Variants in MAP3K1 observed in about 807,000 individuals in gnomAD.
MAP3K1 encodes mitogen-activated protein kinase kinase kinase 1.
A neutral mutation model predicts 144.2 loss-of-function variants in MAP3K1; 36 were observed. That is an observed-to-expected ratio of 0.25 (90% confidence interval 0.19 to 0.33). The LOEUF (loss-of-function observed/expected upper bound fraction) is 0.33, where lower values mean the gene tolerates loss of function less well. Ranked by LOEUF, MAP3K1 falls within the 10% of genes least tolerant of loss-of-function variation. The pLI is 1.00. For missense variants in MAP3K1, 1,650 were observed against 1,881.9 expected (o/e 0.88, Z 2.28); for synonymous variants, 718 against 688.7 (o/e 1.04, Z -0.67).
At position 56,882,844 on chromosome 5, in the gene MAP3K1, A is replaced by G. The variant is rs1459352664; in HGVS notation, c.3644A>G (p.Asp1215Gly). ...VPQLQVENGEDIIIIQQDTPE... is the reference protein window; with the variant it reads ...VPQLQVENGEGIIIIQQDTPE... ...CAGCTGCAGGTTGAAAATGGAGAAG[A>G]TATCATCATTATTCAACAGGATGTA... Residue 1215 changes from aspartate (D) to glycine (G), a missense_variant, in exon 14 of 20, where the codon GAT becomes GGT. This residue lies in a region of MAP3K1 where 841 missense variants were observed against 886.5 expected (regional missense o/e 0.95). Coordinates refer to ENST00000399503, the MANE Select transcript of MAP3K1 (RefSeq NM_005921.2). 6.2e-7 allele frequency: 1 copy of G among 1,610,996 alleles called. No homozygotes were observed. The highest frequency in any genetic ancestry group is 1.7e-5 in the Admixed American group (1 of 59,976).
rs1579785971 is a variant in MAP3K1 at position 56,888,018 on chromosome 5, C to G, written c.4258-208C>G. On this transcript the variant is annotated intron_variant, in intron 18 of 19. Transcript: ENST00000399503. ...AGCAAAATTCTGTGATGGGACTCTG[C>G]TTCAGAATCTCACAATTCTCCAAAA... is the stretch of plus-strand genomic sequence containing the variant. 6.7e-6 allele frequency: 4 copies of G among 593,142 alleles called. No individual in the cohort carries two copies. In the East Asian group the frequency reaches 1.2e-4, roughly 17 times the overall value. The allele number at this position is 593,142 out of a possible 1,614,324, so 36.7% of individuals were successfully genotyped here. A position where few individuals can be genotyped will look rare whatever the true frequency, so the allele number is the denominator to read the frequency against.
chr5:56,824,933 T>A (rs34485804), intron 1 of MAP3K1, among the ~76,000 whole-genome samples: 78 of 151,488 alleles, frequency 5.1e-4, no homozygotes, highest in African/African-American at 1.1e-3. Context: ...TCCGGTTTTT[T>A]AAAAAAAATT....
At chr5:56,839,004 C>T (rs1746733984) in intron 1 of MAP3K1, among the ~76,000 whole-genome samples, 1 of 152,166 alleles carries the variant, frequency 6.6e-6, no homozygotes, top group Non-Finnish European at 1.5e-5. Flanking sequence ...TCGAGATCTT[C>T]TGGGGAGACT....
At chr5:56,862,576 C>A (rs1561186874) in intron 3 of MAP3K1, among the ~76,000 whole-genome samples, 1 of 152,148 alleles carries the variant, frequency 6.6e-6, no homozygotes, top group Non-Finnish European at 1.5e-5. Context: ...CTGGATAAAT[C>A]ATGGTTTATT....
rs1233689838 is a variant in MAP3K1 at position 56,829,681 on chromosome 5, C to T, written c.482+13626C>T. Among the ~76,000 whole-genome samples, 4 of 152,218 alleles carry T rather than the reference C, an allele frequency of 2.6e-5. No individual in the cohort carries two copies. In the East Asian group the frequency reaches 7.7e-4, roughly 29 times the overall value. On this transcript the variant is annotated intron_variant, in intron 1 of 19. Transcript: ENST00000399503. The stretch of plus-strand genomic sequence containing the variant: ...ATTAGATATTTATTTGGGGCACTTA[C>T]TCTGTGCTGCTAGCACGTGATTTCC...
chr5:56,816,208 C>T (rs987267199), intron 1 of MAP3K1, among the ~76,000 whole-genome samples, 153 bp downstream of exon 1: 2 of 152,156 alleles, frequency 1.3e-5, no homozygotes, highest in African/African-American at 4.8e-5. Flanking sequence ...CCCCCCGACC[C>T]CTTCGGAGTC....
chr5:56,862,124 T>C (rs2113079), intron 3 of MAP3K1: 117,644 of 152,010 alleles, frequency 0.77, 45,879 homozygotes, highest in Non-Finnish European at 0.82. Flanking sequence ...CTCTGTTCCT[T>C]GTGACATTCT....
chr5:56,864,625 G>T, intron 3 of MAP3K1, 109 bp from the exon 4 acceptor site: 1 of 1,131,250 alleles, frequency 8.8e-7, no homozygotes, highest in Middle Eastern at 2.1e-4. Context: ...CGCCCTCCTC[G>T]GCCTCCCAAA....
chr5:56,883,746 G>A, intron 15 of MAP3K1, 67 bp downstream of exon 15: 1 of 1,524,254 alleles, frequency 6.6e-7, no homozygotes, highest in Non-Finnish European at 9.1e-7. Flanking sequence ...TCAGTAAAAA[G>A]AATAAAGGAT....
intron 2 of MAP3K1, among the ~76,000 whole-genome samples, chr5:56,859,065 TAAAAAAA>T (rs34494768): frequency 4.8e-5 from 6 of 125,548 alleles, no homozygotes; most frequent in Admixed American, 4.1e-4. Flanking sequence ...AAGCCTTAAT[TAAAAAAA>T]AAAAAAAAAA....
chr5:56,844,404 C>T (rs1004917809), intron 1 of MAP3K1, among the ~76,000 whole-genome samples: 1 of 151,928 alleles, frequency 6.6e-6, no homozygotes, highest in Non-Finnish European at 1.5e-5. Flanking sequence ...TGGTCTCGAT[C>T]TCCTGACCTC....
intron 10 of MAP3K1, among the ~76,000 whole-genome samples, 175 bp from the exon 11 acceptor site, chr5:56,878,805 C>T (rs577655326): frequency 3.9e-5 from 6 of 152,182 alleles, no homozygotes; most frequent in South Asian, 2.1e-4. Flanking sequence ...CTGCCCCATT[C>T]ATTTATTTTG....
chr5:56,882,521 C>G lies in MAP3K1; in HGVS notation c.3321C>G (p.Pro1107=). The G allele has an allele frequency of 1.9e-6, 3 of 1,614,002 alleles. No homozygotes were observed. Among genetic ancestry groups the G allele is most frequent in the Non-Finnish European group, 2.5e-6 (3 of 1,179,912 alleles). The change falls in exon 14 of 20, where the codon CCC becomes CCG. Residue 1107 remains proline (P), a synonymous_variant. Transcript: ENST00000399503. Reference sequence around the variant, plus strand: ...GCAATAGTAGTAATGCTGTTATACCCAGTGACGAGACAGTGTTCACCCCAG... The same window carrying G: ...GCAATAGTAGTAATGCTGTTATACCGAGTGACGAGACAGTGTTCACCCCAG... ...CSSNSSNAVI[P]SDETVFTPVE...
intron 19 of MAP3K1, among the ~76,000 whole-genome samples, chr5:56,892,502 C>T (rs1748578790): frequency 6.6e-6 from 1 of 152,146 alleles, no homozygotes; most frequent in Non-Finnish European, 1.5e-5. Flanking sequence ...ATATGGATAA[C>T]AGAATACAGC....
At chr5:56,891,368 G>T (rs920478499) in intron 19 of MAP3K1, among the ~76,000 whole-genome samples, 1 of 152,122 alleles carries the variant, frequency 6.6e-6, no homozygotes, top group African/African-American at 2.4e-5. Context: ...AATTACTGGG[G>T]TAGGGAAAAG....
Position 56,887,357 on chromosome 5 carries a change from ATT to A in MAP3K1, c.4115-19_4115-18del. 1.2e-6 allele frequency: 2 copies of A among 1,613,844 alleles called. No individual in the cohort carries two copies. The highest frequency in any genetic ancestry group is 8.5e-7 in the Non-Finnish European group (1 of 1,179,820). On this transcript the variant is annotated intron_variant, in intron 17 of 19. Coordinates refer to ENST00000399503, the MANE Select transcript of MAP3K1 (RefSeq NM_005921.2). ...ATTTTTGTTTTTAACATACAAGGTC[ATT>A]TGCTGTGTTTGTTGACAGGTGCCAA...
chr5:56,824,394 T>C, intron 1 of MAP3K1, among the ~76,000 whole-genome samples: 1 of 152,256 alleles, frequency 6.6e-6, no homozygotes. Flanking sequence ...GTGTTGTTCA[T>C]GTGGTGTTCC....
At chr5:56,823,299 T>G (rs1230183730) in intron 1 of MAP3K1, among the ~76,000 whole-genome samples, 2 of 152,148 alleles carry the variant, frequency 1.3e-5, no homozygotes, top group Non-Finnish European at 2.9e-5. Context: ...ACTCACTGCC[T>G]TCTTCTATAG....
chr5:56,841,202 T>TAAAA (rs3076543), intron 1 of MAP3K1, among the ~76,000 whole-genome samples: 4 of 147,522 alleles, frequency 2.7e-5, no homozygotes, highest in Non-Finnish European at 3.0e-5. Flanking sequence ...CTTATTGATT[T>TAAAA]AAAAAAAAAA....
Sources: allele counts gnomAD v4.1 joint callset (sites outside exome capture counted in the v4.1 genomes callset), GRCh38; gene constraint gnomAD v4.1.1; regional missense constraint gnomAD v4.1.1; transcripts MANE v1.5; gene names NCBI Gene and HGNC (gene_info 2026-07-23, HGNC 2026-07-21).